The following CRTAC1 variants were observed in gnomAD, a reference collection of about 807,000 sequenced individuals.
The protein encoded by CRTAC1 is acidic secreted protein in cartilage.
A neutral mutation model predicts 67.8 loss-of-function variants in CRTAC1; 37 were observed. The observed-to-expected ratio is 0.55, with a 90% CI of 0.42 to 0.72. The LOEUF (loss-of-function observed/expected upper bound fraction) is 0.72. Among genes scored for constraint, CRTAC1 ranks in the 30% least tolerant of loss-of-function variants. The pLI, the probability that CRTAC1 is intolerant of heterozygous loss-of-function variation, is 0.00. For missense variants in CRTAC1, 780 were observed against 931.6 expected, an observed-to-expected ratio of 0.84 and a Z score of 2.12; for synonymous variants, 348 against 371.0, an observed-to-expected ratio of 0.94 and a Z score of 0.71.
At position 97,895,495 on chromosome 10, in the gene CRTAC1, G is replaced by A. The variant is rs924013480; in HGVS notation, c.1318-82C>T. On this transcript the variant is annotated intron_variant, in intron 10 of 14. Coordinates refer to ENST00000370597, the MANE Select transcript of CRTAC1 (RefSeq NM_018058.7). The surrounding 1 kb of genome is among the most constrained non-coding windows in gnomAD (Gnocchi z 4.2). ...AGCAGGGAGCCAGGGAGGACGGGAG[G>A]GGGAGAGGGAGAAGAAGGAGGAAGA... 1.7e-4 allele frequency: 220 copies of A among 1,267,378 alleles called. No individual in the cohort carries two copies. The highest frequency in any genetic ancestry group is 2.3e-5 in the Non-Finnish European group (21 of 919,976). The allele number at this position is 1,267,378 out of a possible 1,614,324, so 78.5% of individuals were successfully genotyped here.
chr10:97,876,132 T>C (rs1375159449), intron 14 of CRTAC1, among the ~76,000 whole-genome samples: 1 of 152,184 alleles, frequency 6.6e-6, no homozygotes, highest in African/African-American at 2.4e-5. Context: ...TGAGTGACTG[T>C]GGCTTTTGCT....
At chr10:97,939,262 A>C (rs1030484663) in intron 2 of CRTAC1, among the ~76,000 whole-genome samples, 1 of 152,208 alleles carries the variant, frequency 6.6e-6, no homozygotes, top group Non-Finnish European at 1.5e-5. Context: ...GCACCATGGT[A>C]GTAACCTCGG....
Position 97,895,985 on chromosome 10 carries a change from C to G in CRTAC1, c.1217G>C (p.Gly406Ala). 5.6e-6 allele frequency: 9 copies of G among 1,613,746 alleles called. No individual in the cohort carries two copies. The highest frequency in any genetic ancestry group is 6.8e-6 in the Non-Finnish European group (8 of 1,179,638). Residue 406 changes from glycine to alanine, a missense_variant and splice_region_variant, in exon 10 of 15, where the codon GGG becomes GCG. Gly to Ala is a moderately conservative substitution (Grantham distance 60). Transcript: ENST00000370597. The surrounding 1 kb of genome is among the most constrained non-coding windows in gnomAD (Gnocchi z 4.2). ...DALEPEGRGT[G>A]GVVTDFDGDG... The stretch of plus-strand genomic sequence containing the variant: ...TCCGTCGAAGTCGGTCACCACACCC[C>G]CTACAAACAATGCAGATTTCACCTC...
chr10:97,984,288 T>C (rs187512982), intron 2 of CRTAC1, among the ~76,000 whole-genome samples: 2 of 152,312 alleles, frequency 1.3e-5, no homozygotes, highest in East Asian at 3.9e-4. Context: ...AATAAATATA[T>C]TGGAATCCAT....
chr10:97,982,046 A>G (rs2051900108), intron 2 of CRTAC1, among the ~76,000 whole-genome samples: 1 of 152,248 alleles, frequency 6.6e-6, no homozygotes, highest in African/African-American at 2.4e-5. Context: ...GCTTTAAGTC[A>G]TGTACACTTA....
At chr10:97,885,160 G>A (rs963011802) in intron 11 of CRTAC1, among the ~76,000 whole-genome samples, 4 of 152,146 alleles carry the variant, frequency 2.6e-5, no homozygotes, top group African/African-American at 9.7e-5. Context: ...GGTGGTCAGG[G>A]ACAGCCTCTT....
chr10:97,934,289 G>A (rs1455390885), intron 3 of CRTAC1, among the ~76,000 whole-genome samples: 4 of 152,200 alleles, frequency 2.6e-5, no homozygotes, highest in African/African-American at 9.7e-5. Context: ...ATCTTGGCTT[G>A]GCTGGAGAGA....
At position 98,029,491 on chromosome 10, in the gene CRTAC1, AGCGGCGGCGGCG is replaced by A. The variant is rs71007374; in HGVS notation, c.24+946_24+957del. ...ACTGGGTGCACCCACCAGCAGCAGC[AGCGGCGGCGGCG>A]GCGGCGGCGGCGGCGGCGGCGGCGG... On this transcript the variant is annotated intron_variant, in intron 1 of 14. Transcript: ENST00000370597. The surrounding 1 kb of genome is among the most constrained non-coding windows in gnomAD (Gnocchi z 4.7). Among the ~76,000 whole-genome samples the A allele has an allele frequency of 1.3e-3, 178 of 140,446 alleles. No homozygotes were observed. Among genetic ancestry groups the A allele is most frequent in the South Asian group, 2.3e-3 (10 of 4,258 alleles). 92.1% of individuals were successfully genotyped at this position (140,446 alleles called of 152,430 possible). A position where few individuals can be genotyped will look rare whatever the true frequency, so the allele number is the denominator to read the frequency against.
intron 2 of CRTAC1, among the ~76,000 whole-genome samples, chr10:98,006,518 C>T (rs1191468486): frequency 6.6e-6 from 1 of 152,180 alleles, no homozygotes; most frequent in Non-Finnish European, 1.5e-5. Context: ...GACATGCACA[C>T]GCCTTCCATC....
chr10:97,885,042 G>A (rs61606555), intron 11 of CRTAC1, among the ~76,000 whole-genome samples: 19,107 of 152,260 alleles, frequency 0.13, 1,330 homozygotes, highest in African/African-American at 0.18. Context: ...TCCCAGTCCA[G>A]TTGGGGAGAC....
At chr10:97,888,688 G>A (rs990535846) in intron 11 of CRTAC1, among the ~76,000 whole-genome samples, 2 of 152,048 alleles carry the variant, frequency 1.3e-5, no homozygotes, top group Admixed American at 6.6e-5. Flanking sequence ...AAGTCTTTCC[G>A]GGGCTGCACG....
intron 1 of CRTAC1, among the ~76,000 whole-genome samples, chr10:98,018,197 C>A (rs546788194): frequency 4.9e-5 from 3 of 61,514 alleles, no homozygotes; most frequent in Non-Finnish European, 8.4e-5. Flanking sequence ...GCAAGATGCC[C>A]GCAAAAAAAA....
intron 2 of CRTAC1, among the ~76,000 whole-genome samples, chr10:97,946,195 C>T (rs2051261021): frequency 6.6e-6 from 1 of 152,232 alleles, no homozygotes; most frequent in African/African-American, 2.4e-5. Context: ...CAGATGGAGG[C>T]TGTGTTAATC....
intron 2 of CRTAC1, among the ~76,000 whole-genome samples, chr10:97,944,734 C>T (rs564832584): frequency 6.6e-6 from 1 of 152,238 alleles, no homozygotes; most frequent in South Asian, 2.1e-4. Flanking sequence ...CTGAGCCTAG[C>T]CTGCAAGGGG....
Position 97,904,795 on chromosome 10 carries a change from C to G in CRTAC1, c.870G>C (p.Gln290His), listed in dbSNP as rs148568943. Residue 290 changes from glutamine (Q) to histidine (H), a missense_variant, in exon 7 of 15, where the codon CAG (glutamine) becomes CAC (histidine). Transcript: ENST00000370597. ...CAGCCAGGGCGACACCTCGCCCATGCTGGTGGGGGTCGTCCACACCTGGGG... is the reference window on the plus strand; with the variant it reads ...CAGCCAGGGCGACACCTCGCCCATGGTGGTGGGGGTCGTCCACACCTGGGG... ...AASAGVDDPH[Q>H]HGRGVALADF... 6 of 1,601,462 alleles carry G rather than the reference C, an allele frequency of 3.7e-6. No homozygotes were observed. In the African/African-American group the frequency reaches 6.7e-5, roughly 18 times the overall value.
At chr10:97,907,089 G>A (rs932288319) in intron 6 of CRTAC1, among the ~76,000 whole-genome samples, 6 of 152,230 alleles carry the variant, frequency 3.9e-5, no homozygotes, top group Non-Finnish European at 8.8e-5. Context: ...CTCGCAGGAA[G>A]TGTCCACTCT....
At chr10:97,928,882 A>T (rs2050961031) in intron 3 of CRTAC1, among the ~76,000 whole-genome samples, 1 of 152,136 alleles carries the variant, frequency 6.6e-6, no homozygotes, top group Non-Finnish European at 1.5e-5. Flanking sequence ...ACTGAGGGCA[A>T]AGGGGCCATT....
chr10:97,951,227 G>A (rs2051350862), intron 2 of CRTAC1, among the ~76,000 whole-genome samples: 1 of 152,128 alleles, frequency 6.6e-6, no homozygotes, highest in South Asian at 2.1e-4. Flanking sequence ...GCAAAATCAA[G>A]ACAACAAAAT....
intron 1 of CRTAC1, among the ~76,000 whole-genome samples, chr10:98,022,083 C>T (rs1050116528): frequency 4.6e-5 from 7 of 152,172 alleles, no homozygotes; most frequent in South Asian, 2.1e-4. Flanking sequence ...AGGCCGGGTA[C>T]GGTGGCTCAC....
Sources: allele counts gnomAD v4.1 joint callset (sites outside exome capture counted in the v4.1 genomes callset), GRCh38; gene constraint gnomAD v4.1.1; non-coding constraint Gnocchi (gnomAD v3.1); transcripts MANE v1.5; gene names NCBI Gene and HGNC (gene_info 2026-07-23, HGNC 2026-07-21).